FABP7: variants seen among roughly 807,000 people sequenced by gnomAD.
The protein encoded by FABP7 is fatty acid binding protein 7.
In FABP7, 13 loss-of-function variants were observed where a neutral mutation model predicts 14.2. The observed-to-expected ratio is 0.91, with a 90% CI of 0.59 to 1.45. The LOEUF is 1.45. FABP7 is among the 40% of genes most tolerant of loss of function. The probability of loss-of-function intolerance (pLI) is 0.00; values close to 1 mark genes in which losing one functional copy is unlikely to be tolerated. For missense variants in FABP7, 149 were observed against 157.6 expected (o/e 0.95, Z 0.29); for synonymous variants, 49 against 51.4 (o/e 0.95, Z 0.20).
the FABP7 span, among the ~76,000 whole-genome samples, chr6:122,760,416 T>C: frequency 6.6e-6 from 1 of 152,174 alleles, no homozygotes; most frequent in Non-Finnish European, 1.5e-5. Context: ...CCTTTTAACA[T>C]ATGTGACTTT....
chr6:122,782,948 C>T, intron 3 of FABP7: 1 of 985,282 alleles, frequency 1.0e-6, no homozygotes, highest in Non-Finnish European at 1.2e-6. Flanking sequence ...TTTCCCAGAA[C>T]ACAGAAAAGT....
the FABP7 span, among the ~76,000 whole-genome samples, chr6:122,753,129 T>C: frequency 6.6e-6 from 1 of 152,198 alleles, no homozygotes; most frequent in African/African-American, 2.4e-5. Context: ...CAATTCCTCT[T>C]CAAAAACAAG....
At chr6:122,766,573 T>C in the FABP7 span, among the ~76,000 whole-genome samples, 1 of 152,058 alleles carries the variant, frequency 6.6e-6, no homozygotes, top group East Asian at 1.9e-4. Flanking sequence ...ATAAAGAGCA[T>C]ATAACCCACC....
At chr6:122,781,544 T>C (rs1780784670) in intron 3 of FABP7, 1 of 1,291,634 alleles carries the variant, frequency 7.7e-7, no homozygotes, top group African/African-American at 1.5e-5. Flanking sequence ...CCATAATCAC[T>C]GAAATATATA....
chr6:122,767,906 T>C, the FABP7 span, among the ~76,000 whole-genome samples: 1 of 152,030 alleles, frequency 6.6e-6, no homozygotes, highest in African/African-American at 2.4e-5. Context: ...TTTGGCAATA[T>C]TAAAAATAAG....
the FABP7 span, among the ~76,000 whole-genome samples, chr6:122,768,646 T>C: frequency 6.6e-6 from 1 of 152,172 alleles, no homozygotes; most frequent in Non-Finnish European, 1.5e-5. Flanking sequence ...AAAATAATTA[T>C]GTAATTAGCC....
the FABP7 span, among the ~76,000 whole-genome samples, chr6:122,753,779 A>AAC: frequency 5.1e-4 from 40 of 78,610 alleles, no homozygotes; most frequent in East Asian, 9.0e-4. Context: ...TTGGGTCCAA[A>AAC]TCCCGCCCCC....
At chr6:122,774,499 A>G in the FABP7 span, among the ~76,000 whole-genome samples, 1 of 152,124 alleles carries the variant, frequency 6.6e-6, no homozygotes, top group Non-Finnish European at 1.5e-5. Flanking sequence ...AAATTCTTCA[A>G]TAATCAGAGC....
chr6:122,780,316 G>A lies in FABP7; in HGVS notation c.99G>A (p.Val33=), dbSNP rs1375245796. The A allele has an allele frequency of 2.5e-6, 4 of 1,613,988 alleles. No homozygotes were observed. The change falls in exon 2 of 4, where the codon GTG becomes GTA. Residue 33 remains valine, a synonymous_variant. Coordinates refer to ENST00000368444, the MANE Select transcript of FABP7 (RefSeq NM_001446.5). The part of the protein sequence containing the change: ...ALGVGFATRQ[V]GNVTKPTVII... ...GCGTGGGCTTTGCCACTAGGCAGGTGGGAAATGTGACCAAACCAACGGTAA... is the reference window on the plus strand; with the variant it reads ...GCGTGGGCTTTGCCACTAGGCAGGTAGGAAATGTGACCAAACCAACGGTAA...
upstream of FABP7, among the ~76,000 whole-genome samples, chr6:122,775,128 A>G (rs1412034907): frequency 6.6e-6 from 1 of 152,120 alleles, no homozygotes; most frequent in Non-Finnish European, 1.5e-5. Flanking sequence ...AATACCAATG[A>G]CATTCTTCAC....
intron 1 of FABP7, 90 bp downstream of exon 1, chr6:122,779,957 G>T (rs1450575227): frequency 8.0e-7 from 1 of 1,242,978 alleles, no homozygotes; most frequent in African/African-American, 1.5e-5. Context: ...GTCAGCAAGA[G>T]GCAAAGACAG....
At chr6:122,754,200 G>A in the FABP7 span, among the ~76,000 whole-genome samples, 1 of 151,992 alleles carries the variant, frequency 6.6e-6, no homozygotes, top group African/African-American at 2.4e-5. Flanking sequence ...TTTTAAATAG[G>A]AGTTCCACAA....
chr6:122,766,572 A>G, the FABP7 span, among the ~76,000 whole-genome samples: 1 of 152,112 alleles, frequency 6.6e-6, no homozygotes, highest in African/African-American at 2.4e-5. Context: ...GATAAAGAGC[A>G]TATAACCCAC....
the FABP7 span, among the ~76,000 whole-genome samples, chr6:122,757,155 C>T: frequency 1.6e-3 from 236 of 152,132 alleles, 1 homozygote; most frequent in African/African-American, 5.5e-3. Context: ...AAAAGTCTAC[C>T]GTCTGATATC....
chr6:122,779,940 T>C (rs1780741377), intron 1 of FABP7, 73 bp downstream of exon 1: 1 of 1,423,298 alleles, frequency 7.0e-7, no homozygotes, highest in East Asian at 2.3e-5. Flanking sequence ...CATTTTTCAC[T>C]CATCAGGTCA....
the FABP7 span, among the ~76,000 whole-genome samples, chr6:122,753,734 G>A: frequency 4.0e-4 from 60 of 150,622 alleles, 1 homozygote; most frequent in African/African-American, 1.4e-3. Flanking sequence ...AAGTGGACTC[G>A]AGCAGCAGCT....
chr6:122,754,918 TA>T, the FABP7 span, among the ~76,000 whole-genome samples: 2 of 152,060 alleles, frequency 1.3e-5, no homozygotes, highest in African/African-American at 4.8e-5. Context: ...GTTCTCCACC[TA>T]AACTCACCAA....
At chr6:122,763,107 C>G in the FABP7 span, among the ~76,000 whole-genome samples, 1 of 152,152 alleles carries the variant, frequency 6.6e-6, no homozygotes. Flanking sequence ...AAGAACAAAG[C>G]TGGAGATACC....
the FABP7 span, among the ~76,000 whole-genome samples, chr6:122,754,518 A>ATTTTTTGTATTTTTTTTTTTTTTTTTG: frequency 6.6e-6 from 1 of 152,048 alleles, no homozygotes; most frequent in African/African-American, 2.4e-5. Flanking sequence ...CAAGACCTTC[A>ATTTTTTGTATTTTTTTTTTTTTTTTTG]AGATCTCAAC....
Sources: gnomAD v4.1 joint callset for allele counts (sites outside exome capture counted in the v4.1 genomes callset) on GRCh38, gnomAD v4.1.1 for gene constraint, MANE v1.5 for transcripts, NCBI Gene and HGNC (gene_info 2026-07-23, HGNC 2026-07-21) for gene names.